The following LRP12 variants were observed in gnomAD, a reference collection of about 807,000 sequenced individuals.
LRP12 encodes the protein low-density lipoprotein receptor-related protein 12.
LRP12 carries 14 observed loss-of-function variants against 66.0 expected under a neutral mutation model. That is an observed-to-expected ratio of 0.21 (90% CI 0.14 to 0.33). The LOEUF (loss-of-function observed/expected upper bound fraction) is 0.33. LRP12 is among the 10% of genes least tolerant of loss of function. The probability of loss-of-function intolerance (pLI) is 1.00; values close to 1 mark genes in which losing one functional copy is unlikely to be tolerated. For missense variants in LRP12, 889 were observed against 1,053.4 expected (o/e 0.84, Z 2.16); for synonymous variants, 357 against 359.1 (o/e 0.99, Z 0.07).
chr8:104,493,381 T>C (rs926330951), intron 6 of LRP12, among the ~76,000 whole-genome samples: 1 of 152,224 alleles, frequency 6.6e-6, no homozygotes, highest in Non-Finnish European at 1.5e-5. Flanking sequence ...CCCATAAACA[T>C]ATTTTATTCT....
At chr8:104,506,601 A>C (rs901412546) in intron 3 of LRP12, 2 of 152,144 alleles carry the variant, frequency 1.3e-5, no homozygotes, top group East Asian at 3.9e-4. Flanking sequence ...ATGCCCTCTC[A>C]GCTCTCTAAG....
At chr8:104,524,608 A>G (rs183399258) in intron 2 of LRP12, among the ~76,000 whole-genome samples, 81 of 152,354 alleles carry the variant, frequency 5.3e-4, no homozygotes, top group Admixed American at 2.5e-3. Flanking sequence ...CAGAAAGAGC[A>G]GGAGATAAAA....
chr8:104,497,331 T>C lies in LRP12; in HGVS notation c.1221A>G (p.Glu407=). The change falls in exon 5 of 7, where the codon GAA becomes GAG. Residue 407 remains glutamate (E), a synonymous_variant. Transcript: ENST00000276654. This position sits in a 1 kb window ranked among gnomAD's most constrained non-coding sequence, Gnocchi z 4.3. ...CCTTCTGGCACATGGTACAATTGGT[T>C]TCATCCCTTCCATTTGGGCAATGCC... is the stretch of plus-strand genomic sequence containing the variant. ...GYWHCPNGRD[E]TNCTMCQKEE... 6.2e-7 allele frequency: 1 copy of C among 1,614,130 alleles called. No individual in the cohort carries two copies. Among genetic ancestry groups the C allele is most frequent in the Non-Finnish European group, 8.5e-7 (1 of 1,180,006 alleles).
At chr8:104,559,698 ATCTC>A (rs1315810566) in intron 1 of LRP12, among the ~76,000 whole-genome samples, 6 of 152,170 alleles carry the variant, frequency 3.9e-5, no homozygotes, top group Middle Eastern at 3.2e-3. Context: ...AAAAAAGGAT[ATCTC>A]TCTATTTAGT....
intron 3 of LRP12, 197 bp downstream of exon 3, chr8:104,508,742 C>T (rs990483771): frequency 8.8e-5 from 43 of 490,724 alleles, no homozygotes; most frequent in Non-Finnish European, 1.5e-4. Flanking sequence ...CATTACCACC[C>T]TTAGAAAATA....
intron 2 of LRP12, among the ~76,000 whole-genome samples, chr8:104,517,295 G>T (rs891096559): frequency 3.3e-5 from 5 of 151,118 alleles, no homozygotes; most frequent in African/African-American, 1.2e-4. Flanking sequence ...AACAAAGGCC[G>T]ACCAAAAACC....
At chr8:104,527,071 A>C (rs1234464732) in intron 2 of LRP12, among the ~76,000 whole-genome samples, 2 of 151,428 alleles carry the variant, frequency 1.3e-5, no homozygotes, top group African/African-American at 2.5e-5. Context: ...GCCAAAAGAC[A>C]CATGAAAAAA....
intron 1 of LRP12, among the ~76,000 whole-genome samples, chr8:104,535,264 G>A (rs1482976940): frequency 6.6e-6 from 1 of 151,678 alleles, no homozygotes; most frequent in East Asian, 1.9e-4. Context: ...CAATATGAGA[G>A]AGAATCAACT....
chr8:104,525,462 T>C (rs1364072610), intron 2 of LRP12, among the ~76,000 whole-genome samples: 1 of 152,056 alleles, frequency 6.6e-6, no homozygotes, highest in Non-Finnish European at 1.5e-5. Context: ...ACAGAACAAA[T>C]TATTCCAAGT....
At position 104,548,154 on chromosome 8, in the gene LRP12, T is replaced by A. The variant is rs1392418378; in HGVS notation, c.80-16191A>T. On this transcript the variant is annotated intron_variant, in intron 1 of 6. Coordinates refer to ENST00000276654, the MANE Select transcript of LRP12 (RefSeq NM_013437.5). Reference sequence around the variant, plus strand: ...ATATAATTATAATTATATTATATATTAATAATTATTATATATAATATAATA... The same window carrying A: ...ATATAATTATAATTATATTATATATAAATAATTATTATATATAATATAATA... 2.6e-3 allele frequency among the ~76,000 whole-genome samples: 187 copies of A among 72,472 alleles called. 1 individual carries two copies. Among genetic ancestry groups the A allele is most frequent in the African/African-American group, 0.013 (179 of 14,202 alleles). 47.5% of individuals were successfully genotyped at this position (72,472 alleles called of 152,430 possible). A position where few individuals can be genotyped will look rare whatever the true frequency, so the allele number is the denominator to read the frequency against.
At chr8:104,501,898 T>C (rs1214413518) in intron 3 of LRP12, among the ~76,000 whole-genome samples, 1 of 152,236 alleles carries the variant, frequency 6.6e-6, no homozygotes, top group Non-Finnish European at 1.5e-5. Flanking sequence ...CTAAGATATC[T>C]TGGTGTTTCC....
intron 2 of LRP12, among the ~76,000 whole-genome samples, chr8:104,528,028 T>A (rs1811267374): frequency 6.6e-6 from 1 of 152,174 alleles, no homozygotes; most frequent in Admixed American, 6.6e-5. Context: ...TACAGCCTGA[T>A]TTGTCCAGAA....
intron 1 of LRP12, among the ~76,000 whole-genome samples, chr8:104,534,010 T>C (rs1048259785): frequency 2.0e-5 from 3 of 151,366 alleles, no homozygotes; most frequent in African/African-American, 7.3e-5. Flanking sequence ...CTCAATTTCA[T>C]GTTTTAAAAT....
At chr8:104,537,715 T>C (rs1811410126) in intron 1 of LRP12, among the ~76,000 whole-genome samples, 1 of 152,036 alleles carries the variant, frequency 6.6e-6, no homozygotes, top group Non-Finnish European at 1.5e-5. Flanking sequence ...GATGAACATA[T>C]AGATATATGA....
intron 4 of LRP12, among the ~76,000 whole-genome samples, chr8:104,498,961 T>G (rs1810781206): frequency 1.3e-5 from 2 of 152,220 alleles, no homozygotes; most frequent in Admixed American, 1.3e-4. Flanking sequence ...TTAGGTCTTT[T>G]CTCTGGAGGT....
chr8:104,540,231 C>G (rs988728531), intron 1 of LRP12, among the ~76,000 whole-genome samples: 2 of 152,120 alleles, frequency 1.3e-5, no homozygotes, highest in African/African-American at 4.8e-5. Context: ...AAGGAGGACA[C>G]TGCATGCTAG....
intron 1 of LRP12, among the ~76,000 whole-genome samples, chr8:104,577,671 C>A (rs945585742): frequency 6.6e-6 from 1 of 151,720 alleles, no homozygotes; most frequent in South Asian, 2.1e-4. Context: ...ATTAGCTGGG[C>A]GTGGTGGTGG....
chr8:104,540,149 GATACCAGAGATCTCTGTCC>G lies in LRP12; in HGVS notation c.80-8205_80-8187del, dbSNP rs1480700999. Among the ~76,000 whole-genome samples the G allele has an allele frequency of 1.3e-4, 20 of 152,106 alleles. No individual in the cohort carries two copies. In the South Asian group the frequency reaches 1.7e-3, roughly 13 times the overall value. On this transcript the variant is annotated intron_variant, in intron 1 of 6. Transcript: ENST00000276654. ...CTGGTGTCCTCTTATAAGAAGAGGA[GATACCAGAGATCTCTGTCC>G]ACACATACTATATGAGGACACAGTA...
chr8:104,574,682 A>G (rs1812134556), intron 1 of LRP12, among the ~76,000 whole-genome samples: 1 of 152,230 alleles, frequency 6.6e-6, no homozygotes, highest in African/African-American at 2.4e-5. Flanking sequence ...TAAAATTTAC[A>G]ACGGATTTTG....
Sources: allele counts gnomAD v4.1 joint callset (sites outside exome capture counted in the v4.1 genomes callset), GRCh38; gene constraint gnomAD v4.1.1; non-coding constraint Gnocchi (gnomAD v3.1); transcripts MANE v1.5; gene names NCBI Gene and HGNC (gene_info 2026-07-23, HGNC 2026-07-21).